Variants in CHIC1 observed in about 807,000 individuals in gnomAD.
CHIC1 encodes the protein cysteine rich hydrophobic domain 1, also known as cysteine-rich hydrophobic domain-containing protein 1.
CHIC1 carries 7 observed loss-of-function variants against 18.5 expected under a neutral mutation model. The observed-to-expected ratio is 0.38, with a 90% CI of 0.22 to 0.71. CHIC1 has a LOEUF of 0.71. Among genes scored for constraint, CHIC1 ranks in the 30% least tolerant of loss-of-function variants. CHIC1 has a pLI of 0.49. For missense variants in CHIC1, 159 were observed against 176.9 expected, an observed-to-expected ratio of 0.90 and a Z score of 0.57; for synonymous variants, 77 against 73.5, an observed-to-expected ratio of 1.05 and a Z score of -0.25.
intron 3 of CHIC1, among the ~76,000 whole-genome samples, chrX:73,628,136 C>G (rs1355102673): frequency 9.0e-6 from 1 of 111,528 alleles, no homozygotes; most frequent in African/African-American, 3.3e-5. Context: ...GTGGCCTGTT[C>G]TGCTGTGGCT....
intron 3 of CHIC1, among the ~76,000 whole-genome samples, chrX:73,616,524 G>T (rs1460160517): frequency 2.7e-5 from 3 of 111,932 alleles, no homozygotes; most frequent in African/African-American, 9.8e-5. Context: ...TCCTTACATT[G>T]CCCTAGCAGA....
In CHIC1 at chrX:73,668,223, CCT is replaced by C. The variant is rs776167929; in HGVS notation, c.508-11098_508-11097del. ...TCAGGTCTAACATGTCAGTTATTTT[CCT>C]CTCTAAACTGGCTATTTTGGCTGTC... On this transcript the variant is annotated intron_variant, in intron 3 of 5. Transcript: ENST00000373502. 5.6e-3 allele frequency among the ~76,000 whole-genome samples: 631 copies of C among 112,064 alleles called. 2 individuals carry two copies. The highest frequency in any genetic ancestry group is 9.5e-3 in the Non-Finnish European group (506 of 53,214).
At position 73,664,023 on chromosome X, in the gene CHIC1, C is replaced by T. The variant is rs148607536; in HGVS notation, c.508-15303C>T. On this transcript the variant is annotated intron_variant, in intron 3 of 5. Transcript: ENST00000373502. The stretch of plus-strand genomic sequence containing the variant: ...TTTTAGGGTCTTCTCCTTCTTTTAG[C>T]CCTGATTCTTTGGGGCAGAGTAAGT... 1.3e-3 allele frequency among the ~76,000 whole-genome samples: 150 copies of T among 111,361 alleles called. 1 individual carries two copies. In the East Asian group the frequency reaches 0.035, roughly 26 times the overall value.
At chrX:73,616,438 G>A (rs1216848010) in intron 3 of CHIC1, among the ~76,000 whole-genome samples, 1 of 111,825 alleles carries the variant, frequency 8.9e-6, no homozygotes, top group African/African-American at 3.3e-5. Flanking sequence ...TACCACTCAG[G>A]TGTCTGGAGG....
chrX:73,621,752 G>C (rs2057761326), intron 3 of CHIC1, among the ~76,000 whole-genome samples: 1 of 112,236 alleles, frequency 8.9e-6, no homozygotes, highest in Admixed American at 9.4e-5. Flanking sequence ...AGTTGTGAGA[G>C]AGGGCATCCT....
chrX:73,643,236 T>A (rs1419608095), intron 3 of CHIC1, among the ~76,000 whole-genome samples: 2 of 111,201 alleles, frequency 1.8e-5, no homozygotes, highest in Non-Finnish European at 3.8e-5. Context: ...CCGAGAGATC[T>A]GCTGTTAGTC....
rs186863045 is a variant in CHIC1, at chrX:73,652,302, A to G, written c.508-27024A>G. Among the ~76,000 whole-genome samples, 530 of 112,463 alleles carry G rather than the reference A, an allele frequency of 4.7e-3. 5 individuals are homozygous for G. The highest frequency in any genetic ancestry group is 2.2e-3 in the Non-Finnish European group (119 of 53,349). The stretch of plus-strand genomic sequence containing the variant: ...AAAGCCTTAGAAAAAAACCTAGGCA[A>G]TAACATTCAGGACATAGGCATGGGC... On this transcript the variant is annotated intron_variant, in intron 3 of 5. Coordinates refer to ENST00000373502, the MANE Select transcript of CHIC1 (RefSeq NM_001039840.4).
Position 73,584,549 on chromosome X carries a change from C to T in CHIC1, c.484C>T (p.Pro162Ser), listed in dbSNP as rs2057544038. 8.7e-7 allele frequency: 1 copy of T among 1,154,875 alleles called. No homozygotes were observed. The highest frequency in any genetic ancestry group is 1.2e-6 in the Non-Finnish European group (1 of 865,927). Residue 162 changes from proline to serine, a missense_variant, in exon 3 of 6, where the codon CCT becomes TCT. Coordinates refer to ENST00000373502, the MANE Select transcript of CHIC1 (RefSeq NM_001039840.4). ...CCCTLGCSLWPVICLNKRTRR... is the reference protein window; with the variant it reads ...CCCTLGCSLWSVICLNKRTRR... ...TTGCACACTGGGTTGCAGCCTATGG[C>T]CTGTTATTTGTCTCAACAAAAGAGT...
chrX:73,674,658 A>C (rs2058051836), intron 3 of CHIC1, among the ~76,000 whole-genome samples: 1 of 110,743 alleles, frequency 9.0e-6, no homozygotes, highest in South Asian at 3.8e-4. Flanking sequence ...CGGTCTATCA[A>C]TTTTGTTGAT....
At chrX:73,643,601 G>A (rs372966828) in intron 3 of CHIC1, among the ~76,000 whole-genome samples, 71 of 111,128 alleles carry the variant, frequency 6.4e-4, no homozygotes, top group Admixed American at 2.4e-3. Flanking sequence ...TTCCCTTCTC[G>A]CTTCATTTCA....
intron 3 of CHIC1, among the ~76,000 whole-genome samples, chrX:73,662,067 TAAATAA>T (rs943889751): frequency 1.9e-5 from 2 of 106,587 alleles, no homozygotes; most frequent in African/African-American, 3.4e-5. Context: ...AATAAATAAA[TAAATAA>T]AAATAAATAA....
chrX:73,571,444 A>T (rs2057470359), intron 1 of CHIC1, among the ~76,000 whole-genome samples: 1 of 111,833 alleles, frequency 8.9e-6, no homozygotes, highest in South Asian at 3.7e-4. Context: ...AATAGATTTA[A>T]ATGAAATATT....
chrX:73,628,630 A>C (rs2057794044), intron 3 of CHIC1, among the ~76,000 whole-genome samples: 1 of 110,863 alleles, frequency 9.0e-6, no homozygotes, highest in Non-Finnish European at 1.9e-5. Context: ...GCAGGCAGAG[A>C]TGCTCTCTGC....
intron 3 of CHIC1, among the ~76,000 whole-genome samples, chrX:73,594,641 C>T (rs933620384): frequency 7.1e-5 from 8 of 112,054 alleles, no homozygotes; most frequent in African/African-American, 1.3e-4. Context: ...TTCAAGTACA[C>T]GACTTGGAGC....
intron 3 of CHIC1, among the ~76,000 whole-genome samples, chrX:73,586,424 G>A (rs186005119): frequency 9.0e-6 from 1 of 111,512 alleles, no homozygotes; most frequent in East Asian, 2.8e-4. Flanking sequence ...ATAAAATCAG[G>A]ACACTACTAG....
rs1211964543 is a variant in CHIC1, at chrX:73,684,793, A to G, written c.*3788A>G. On this transcript the variant is annotated 3_prime_UTR_variant, in exon 6 of 6. Transcript: ENST00000373502. Reference sequence around the variant, plus strand: ...GAATAGGTTTTATTAATACCTGTTCATGTAGTATGTGGACTAAAACAATTG... The same window carrying G: ...GAATAGGTTTTATTAATACCTGTTCGTGTAGTATGTGGACTAAAACAATTG... The G allele has an allele frequency of 9.0e-6, 1 of 111,713 alleles. No individual in the cohort carries two copies. Among genetic ancestry groups the G allele is most frequent in the Non-Finnish European group, 1.9e-5 (1 of 52,978 alleles). The allele number at this position is 111,713 out of a possible 1,213,427, so 9.2% of individuals were successfully genotyped here. A position where few individuals can be genotyped will look rare whatever the true frequency, so the allele number is the denominator to read the frequency against.
chrX:73,672,538 C>A (rs1434510249), intron 3 of CHIC1, among the ~76,000 whole-genome samples: 1 of 112,354 alleles, frequency 8.9e-6, no homozygotes, highest in Non-Finnish European at 1.9e-5. Flanking sequence ...AGCATTTTTT[C>A]AAGTGTTTTT....
chrX:73,596,489 G>A (rs999132085), intron 3 of CHIC1, among the ~76,000 whole-genome samples: 6 of 111,609 alleles, frequency 5.4e-5, no homozygotes, highest in Admixed American at 2.9e-4. Flanking sequence ...TCCCCATCAA[G>A]CTATGATTGA....
chrX:73,605,008 A>G (rs1434756476), intron 3 of CHIC1, among the ~76,000 whole-genome samples: 3 of 107,485 alleles, frequency 2.8e-5, no homozygotes, highest in Non-Finnish European at 5.7e-5. Context: ...GTAGATGTCT[A>G]TTAGTTCTGC....
Sources: allele counts gnomAD v4.1 joint callset (sites outside exome capture counted in the v4.1 genomes callset), GRCh38; gene constraint gnomAD v4.1.1; transcripts MANE v1.5; gene names NCBI Gene and HGNC (gene_info 2026-07-23, HGNC 2026-07-21).